The following PTMS variants were observed in gnomAD, a reference collection of about 807,000 sequenced individuals.
The protein encoded by PTMS is parathymosin.
PTMS carries 5 observed loss-of-function variants against 18.4 expected under a neutral mutation model. The ratio of observed to expected loss-of-function variants is 0.27; its 90% CI spans 0.14 to 0.57. The LOEUF (loss-of-function observed/expected upper bound fraction) is 0.57. Among genes scored for constraint, PTMS ranks in the 20% least tolerant of loss-of-function variants. The pLI is 0.92. For missense variants in PTMS, 93 were observed against 124.6 expected (o/e 0.75, Z 1.21); for synonymous variants, 53 against 47.7 (o/e 1.11, Z -0.46).
intron 1 of PTMS, 93 bp from the exon 2 acceptor site, chr12:6,769,510 C>G: frequency 7.2e-7 from 1 of 1,379,380 alleles, no homozygotes; most frequent in Non-Finnish European, 1.0e-6. Flanking sequence ...TCACACACCT[C>G]TAAGCTCACT....
At position 6,766,710 on chromosome 12, in the gene PTMS, C is replaced by A. The variant is rs1330176569; in HGVS notation, c.5C>A (p.Ser2Ter). The part of the protein sequence containing the change: M[S>*]EKSVEAAAEL... ...CCCGGCCCCGGCCCCGGCACCATGTCGGAGAAAAGCGTGGAGGCAGCGGCC... is the reference window on the plus strand; with the variant it reads ...CCCGGCCCCGGCCCCGGCACCATGTAGGAGAAAAGCGTGGAGGCAGCGGCC... Residue 2 changes from serine to a stop codon, truncating the protein, a stop_gained, in exon 1 of 5, where the codon TCG becomes TAG. Coordinates refer to ENST00000309083, the MANE Select transcript of PTMS (RefSeq NM_002824.6). LOFTEE classifies it high-confidence loss of function. 2 of 1,115,080 alleles carry A rather than the reference C, an allele frequency of 1.8e-6. No homozygotes were observed. Among genetic ancestry groups the A allele is most frequent in the Non-Finnish European group, 1.1e-6 (1 of 912,028 alleles). The allele number at this position is 1,115,080 out of a possible 1,614,324, so 69.1% of individuals were successfully genotyped here.
Position 6,770,454 on chromosome 12 carries a change from C to G in PTMS, c.*12C>G. The G allele has an allele frequency of 6.2e-7, 1 of 1,609,988 alleles. No individual in the cohort carries two copies. The highest frequency in any genetic ancestry group is 1.4e-5 in the African/African-American group (1 of 73,574). ...GGGCATCGGCGTGAGCCCCTGCCAA[C>G]AGGCTGGGGTTGGGAGGCCTCTCTG... On this transcript the variant is annotated 3_prime_UTR_variant, in exon 5 of 5. Coordinates refer to ENST00000309083, the MANE Select transcript of PTMS (RefSeq NM_002824.6). The surrounding 1 kb of genome is among the most constrained non-coding windows in gnomAD (Gnocchi z 7.3).
In PTMS at chr12:6,770,787, T is replaced by G; in HGVS notation, c.*345T>G. 1 of 362,658 alleles carries G rather than the reference T, an allele frequency of 2.8e-6. No individual in the cohort carries two copies. 22.5% of individuals were successfully genotyped at this position (362,658 alleles called of 1,614,324 possible). On this transcript the variant is annotated 3_prime_UTR_variant, in exon 5 of 5. Transcript: ENST00000309083. The surrounding 1 kb of genome is among the most constrained non-coding windows in gnomAD (Gnocchi z 7.3). ...CTCTGCATCCCCCAGCCTCATGTCC[T>G]GCCCCATCCCTATCCTGCCTGATCC...
At chr12:6,767,606 G>GGGGGT (rs1941788598) in intron 1 of PTMS, 1 of 137,456 alleles carries the variant, frequency 7.3e-6, no homozygotes, top group Non-Finnish European at 1.6e-5. Context: ...GGCGGGGGGG[G>GGGGGT]GGGGCGCGGT....
At chr12:6,768,450 C>T (rs945061338) in intron 1 of PTMS, among the ~76,000 whole-genome samples, 1 of 152,132 alleles carries the variant, frequency 6.6e-6, no homozygotes, top group African/African-American at 2.4e-5. Flanking sequence ...GAATTGAGTG[C>T]CCCCCAGGGC....
In PTMS at chr12:6,766,650, C is replaced by G. The variant is rs1418124240; in HGVS notation, c.-56C>G. ...CCACCCTCCGCCGTCCAGGGCCCCT[C>G]CGTCTCGGCCCCGGGACCCCGGCTC... On this transcript the variant is annotated 5_prime_UTR_variant, in exon 1 of 5. Transcript: ENST00000309083. The G allele has an allele frequency of 1.9e-6, 2 of 1,051,790 alleles. No individual in the cohort carries two copies. Among genetic ancestry groups the G allele is most frequent in the Non-Finnish European group, 2.3e-6 (2 of 857,666 alleles). The allele number at this position is 1,051,790 out of a possible 1,614,324, so 65.2% of individuals were successfully genotyped here. A position where few individuals can be genotyped will look rare whatever the true frequency, so the allele number is the denominator to read the frequency against.
intron 1 of PTMS, 36 bp downstream of exon 1, chr12:6,766,786 C>A (rs1216856353): frequency 1.6e-5 from 17 of 1,053,490 alleles, no homozygotes; most frequent in Admixed American, 5.5e-5. Flanking sequence ...GGACCTCGCG[C>A]AGCCCTGGGG....
Position 6,766,638 on chromosome 12 carries a change from T to C in PTMS, c.-68T>C. 2 of 983,966 alleles carry C rather than the reference T, an allele frequency of 2.0e-6. No individual in the cohort carries two copies. The highest frequency in any genetic ancestry group is 2.5e-6 in the Non-Finnish European group (2 of 800,960). 61.0% of individuals were successfully genotyped at this position (983,966 alleles called of 1,614,324 possible). On this transcript the variant is annotated 5_prime_UTR_variant, in exon 1 of 5. Coordinates refer to ENST00000309083, the MANE Select transcript of PTMS (RefSeq NM_002824.6). ...TTCCGGCCGCGGCCACCCTCCGCCGTCCAGGGCCCCTCCGTCTCGGCCCCG... is the reference window on the plus strand; with the variant it reads ...TTCCGGCCGCGGCCACCCTCCGCCGCCCAGGGCCCCTCCGTCTCGGCCCCG...
chr12:6,769,497 A>G, intron 1 of PTMS, 106 bp from the exon 2 acceptor site: 1 of 1,233,238 alleles, frequency 8.1e-7, no homozygotes, highest in Non-Finnish European at 1.2e-6. Context: ...CACCTTATTC[A>G]GTTCACACAC....
intron 1 of PTMS, among the ~76,000 whole-genome samples, chr12:6,768,325 G>A (rs1250228430): frequency 2.0e-5 from 3 of 152,182 alleles, no homozygotes; most frequent in Non-Finnish European, 4.4e-5. Flanking sequence ...CCCCTAGGTA[G>A]TGGAAATGCC....
Position 6,766,526 on chromosome 12 carries a change from G to A in PTMS, c.-180G>A. 1 of 103,066 alleles carries A rather than the reference G, an allele frequency of 9.7e-6. No individual in the cohort carries two copies. Among genetic ancestry groups the A allele is most frequent in the South Asian group, 8.4e-5 (1 of 11,924 alleles). 6.4% of individuals were successfully genotyped at this position (103,066 alleles called of 1,614,324 possible). A position where few individuals can be genotyped will look rare whatever the true frequency, so the allele number is the denominator to read the frequency against. ...TCCAGACCCACCCCCGCCCCACCCCGCGCGCCTCTGCCGCCTCTTCCAGAG... is the reference window on the plus strand; with the variant it reads ...TCCAGACCCACCCCCGCCCCACCCCACGCGCCTCTGCCGCCTCTTCCAGAG... On this transcript the variant is annotated 5_prime_UTR_variant, in exon 1 of 5. Transcript: ENST00000309083.
intron 1 of PTMS, among the ~76,000 whole-genome samples, chr12:6,768,497 C>G (rs1283487807): frequency 6.6e-6 from 1 of 152,184 alleles, no homozygotes; most frequent in Non-Finnish European, 1.5e-5. Context: ...TATCCCCTAT[C>G]CTGTTCCAGA....
rs1279772455 is a variant in PTMS at position 6,770,690 on chromosome 12, C to T, written c.*248C>T. Reference sequence around the variant, plus strand: ...CTCTCCAGCTGGCCCCCAATTGCTCCTCTCTCTCTTTGCTCTCTTTCTCCC... The same window carrying T: ...CTCTCCAGCTGGCCCCCAATTGCTCTTCTCTCTCTTTGCTCTCTTTCTCCC... On this transcript the variant is annotated 3_prime_UTR_variant, in exon 5 of 5. Transcript: ENST00000309083. The surrounding 1 kb of genome is among the most constrained non-coding windows in gnomAD (Gnocchi z 7.3). 1.7e-6 allele frequency: 1 copy of T among 582,816 alleles called. No homozygotes were observed. Among genetic ancestry groups the T allele is most frequent in the African/African-American group, 1.9e-5 (1 of 53,098 alleles). The allele number at this position is 582,816 out of a possible 1,614,324, so 36.1% of individuals were successfully genotyped here.
intron 1 of PTMS, among the ~76,000 whole-genome samples, chr12:6,767,702 G>C (rs932987036): frequency 2.6e-5 from 4 of 152,280 alleles, no homozygotes; most frequent in Admixed American, 2.6e-4. Flanking sequence ...CGGTGGGAGA[G>C]GGGCTGTGTG....
chr12:6,769,714 A>G lies in PTMS; in HGVS notation c.117+40A>G, dbSNP rs1476669856. On this transcript the variant is annotated intron_variant, in intron 2 of 4. Transcript: ENST00000309083. ...GGGAGAGGACCACATCTGCCCTACC[A>G]TCTTCCCTCCCAATCATCTCATCCT... 4 of 1,609,494 alleles carry G rather than the reference A, an allele frequency of 2.5e-6. No individual in the cohort carries two copies. The African/African-American group carries it at 4.0e-5, about 16-fold the overall frequency.
At chr12:6,767,603 G>GC (rs1555110939) in intron 1 of PTMS, 1 of 139,378 alleles carries the variant, frequency 7.2e-6, no homozygotes, top group African/African-American at 2.6e-5. Flanking sequence ...TATGGCGGGG[G>GC]GGGGGGGCGC....
At chr12:6,768,433 G>A (rs1941799140) in intron 1 of PTMS, among the ~76,000 whole-genome samples, 1 of 152,178 alleles carries the variant, frequency 6.6e-6, no homozygotes. Context: ...CCCTTAAAGG[G>A]AGAAGGGAAT....
intron 1 of PTMS, chr12:6,767,542 T>C (rs1941783223): frequency 7.4e-6 from 1 of 135,260 alleles, no homozygotes; most frequent in Middle Eastern, 3.9e-3. Context: ...TTTGGGAAAT[T>C]AACGCGGCCG....
chr12:6,770,403 T>G lies in PTMS; in HGVS notation c.270T>G (p.Asp90Glu). The G allele has an allele frequency of 6.2e-7, 1 of 1,603,004 alleles. No homozygotes were observed. The highest frequency in any genetic ancestry group is 8.5e-7 in the Non-Finnish European group (1 of 1,178,566). The change falls in exon 5 of 5, where the codon GAT becomes GAG. Residue 90 changes from aspartate (D) to glutamate (E), a missense_variant. Coordinates refer to ENST00000309083, the MANE Select transcript of PTMS (RefSeq NM_002824.6). The surrounding 1 kb of genome is among the most constrained non-coding windows in gnomAD (Gnocchi z 7.3). ...KRAAEEEDEADPKRQKTENGA... is the reference protein window; with the variant it reads ...KRAAEEEDEAEPKRQKTENGA... ...CTCCCTCTCCACAGGATGAAGCGGA[T>G]CCCAAACGGCAGAAGACAGAAAATG...
Sources: gnomAD v4.1 joint callset for allele counts (sites outside exome capture counted in the v4.1 genomes callset) on GRCh38, gnomAD v4.1.1 for gene constraint, Gnocchi (gnomAD v3.1) non-coding constraint, MANE v1.5 for transcripts, NCBI Gene and HGNC (gene_info 2026-07-23, HGNC 2026-07-21) for gene names.